MARCHF1: variants seen among roughly 807,000 people sequenced by gnomAD.
MARCHF1 encodes the protein membrane associated ring-CH-type finger 1.
A neutral mutation model predicts 54.2 loss-of-function variants in MARCHF1; 40 were observed. The ratio of observed to expected loss-of-function variants is 0.74; its 90% CI spans 0.57 to 0.96. The LOEUF (loss-of-function observed/expected upper bound fraction) is 0.96. Among genes scored for constraint, MARCHF1 ranks in the 40% least tolerant of loss-of-function variants. MARCHF1 has a pLI of 0.00. For synonymous variants in MARCHF1, 236 were observed against 236.3 expected, an observed-to-expected ratio of 1.00 and a Z score of 0.01; for missense variants, 586 against 656.5, an observed-to-expected ratio of 0.89 and a Z score of 1.17.
chr4:164,130,213 G>A (rs1324993984), intron 1 of MARCHF1: 3 of 152,034 alleles, frequency 2.0e-5, no homozygotes, highest in African/African-American at 7.2e-5. Context: ...ATATACATAA[G>A]CACATGTGGA....
chr4:163,590,290 T>G (rs2110843297), intron 7 of MARCHF1, among the ~76,000 whole-genome samples: 1 of 151,962 alleles, frequency 6.6e-6, no homozygotes, highest in East Asian at 1.9e-4. Flanking sequence ...AGGGCCATAG[T>G]GTTATGCAAC....
At chr4:164,178,020 A>G (rs1351430396) in intron 1 of MARCHF1, among the ~76,000 whole-genome samples, 1 of 152,180 alleles carries the variant, frequency 6.6e-6, no homozygotes, top group Non-Finnish European at 1.5e-5. Flanking sequence ...ATGCTCTTTT[A>G]TTGATCTATA....
At chr4:163,536,206 CACAG>C (rs1738524181) in intron 9 of MARCHF1, among the ~76,000 whole-genome samples, 1 of 152,052 alleles carries the variant, frequency 6.6e-6, no homozygotes, top group Non-Finnish European at 1.5e-5. Context: ...AAGCTTTAAC[CACAG>C]ACAGACTGGA....
intron 4 of MARCHF1, among the ~76,000 whole-genome samples, chr4:163,821,715 A>C (rs970815827): frequency 1.3e-5 from 2 of 151,948 alleles, no homozygotes; most frequent in Non-Finnish European, 2.9e-5. Flanking sequence ...TGTTTTGTAG[A>C]ATAAAAGACC....
At chr4:163,851,654 A>T (rs1437650256) in intron 4 of MARCHF1, among the ~76,000 whole-genome samples, 1 of 152,206 alleles carries the variant, frequency 6.6e-6, no homozygotes, top group East Asian at 1.9e-4. Flanking sequence ...AGTAAAATGG[A>T]CTGTGGCAGA....
At position 163,764,183 on chromosome 4, in the gene MARCHF1, G is replaced by A. The variant is rs937414300; in HGVS notation, c.112-63320C>T. On this transcript the variant is annotated intron_variant, in intron 4 of 9. Coordinates refer to ENST00000514618, the MANE Select transcript of MARCHF1 (RefSeq NM_001394959.1). ...TGTTCCAGCATTTTGGATTCAATGA[G>A]ACTTAGGAAGAAAAAACACCAGGTC... Among the ~76,000 whole-genome samples the A allele has an allele frequency of 5.9e-5, 9 of 151,976 alleles. 1 individual carries two copies. Among genetic ancestry groups the A allele is most frequent in the Admixed American group, 3.3e-4 (5 of 15,238 alleles).
At chr4:164,168,667 C>A (rs1238278464) in intron 1 of MARCHF1, among the ~76,000 whole-genome samples, 3 of 147,792 alleles carry the variant, frequency 2.0e-5, no homozygotes, top group African/African-American at 7.9e-5. Flanking sequence ...GTGGAATACA[C>A]ACACACACAC....
rs149158906 is a variant in MARCHF1 at position 163,771,940 on chromosome 4, T to C, written c.112-71077A>G. ...ACATAAAAATGGTGACTAAAAGGAG[T>C]TGCCCATTTCAATAGGGCTAGTTAT... On this transcript the variant is annotated intron_variant, in intron 4 of 9. Coordinates refer to ENST00000514618, the MANE Select transcript of MARCHF1 (RefSeq NM_001394959.1). 5.7e-3 allele frequency among the ~76,000 whole-genome samples: 869 copies of C among 152,120 alleles called. 8 individuals are homozygous for C. The highest frequency in any genetic ancestry group is 0.02 in the African/African-American group (810 of 41,482).
intron 4 of MARCHF1, among the ~76,000 whole-genome samples, chr4:163,731,081 A>T (rs996767464): frequency 6.6e-6 from 1 of 152,188 alleles, no homozygotes; most frequent in Non-Finnish European, 1.5e-5. Context: ...ACATTTCTTA[A>T]TTCATAACTC....
chr4:163,670,359 G>GATCGATCT (rs368497499), intron 5 of MARCHF1, among the ~76,000 whole-genome samples: 2 of 143,742 alleles, frequency 1.4e-5, no homozygotes, highest in African/African-American at 5.2e-5. Context: ...CCTAGAGTAG[G>GATCGATCT]ATCTATCTAT....
At chr4:163,845,476 C>T (rs1238395117) in intron 4 of MARCHF1, among the ~76,000 whole-genome samples, 4 of 151,152 alleles carry the variant, frequency 2.6e-5, no homozygotes, top group African/African-American at 9.7e-5. Context: ...CACACACACA[C>T]ACACACACAC....
chr4:163,721,328 C>T (rs11891498), intron 4 of MARCHF1, among the ~76,000 whole-genome samples: 2,467 of 152,134 alleles, frequency 0.016, 70 homozygotes, highest in African/African-American at 0.057. Context: ...TGCTGGATTA[C>T]GTTTATTGAT....
At chr4:164,085,895 A>G (rs1187409276) in intron 2 of MARCHF1, among the ~76,000 whole-genome samples, 1 of 151,856 alleles carries the variant, frequency 6.6e-6, no homozygotes, top group Non-Finnish European at 1.5e-5. Context: ...AGAAAGTACA[A>G]TTTGAATTAT....
At chr4:163,655,145 T>C (rs1028984800) in intron 5 of MARCHF1, among the ~76,000 whole-genome samples, 3 of 151,732 alleles carry the variant, frequency 2.0e-5, no homozygotes, top group African/African-American at 7.2e-5. Context: ...GCTTAGCATT[T>C]CAAATACCTT....
intron 3 of MARCHF1, among the ~76,000 whole-genome samples, chr4:163,878,208 C>G (rs1017038287): frequency 6.6e-6 from 1 of 152,188 alleles, no homozygotes; most frequent in African/African-American, 2.4e-5. Context: ...CTCTATAACA[C>G]TAGCTTTTTT....
At chr4:163,729,697 T>C (rs1383771058) in intron 4 of MARCHF1, among the ~76,000 whole-genome samples, 1 of 152,158 alleles carries the variant, frequency 6.6e-6, no homozygotes, top group East Asian at 1.9e-4. Flanking sequence ...AGATATGCAC[T>C]GATGTCCCCT....
At chr4:164,343,624 A>T (rs1561010313) in intron 1 of MARCHF1, among the ~76,000 whole-genome samples, 1 of 152,182 alleles carries the variant, frequency 6.6e-6, no homozygotes, top group Non-Finnish European at 1.5e-5. Flanking sequence ...CATATGAAAA[A>T]TTGCTCAGTA....
intron 3 of MARCHF1, among the ~76,000 whole-genome samples, chr4:163,867,787 A>G (rs555060734): frequency 6.7e-6 from 1 of 150,124 alleles, no homozygotes; most frequent in East Asian, 2.0e-4. Flanking sequence ...CAAAGTGATA[A>G]TAGCTATATC....
chr4:163,778,495 T>C (rs745600980), intron 4 of MARCHF1, among the ~76,000 whole-genome samples: 79 of 152,306 alleles, frequency 5.2e-4, no homozygotes, highest in Non-Finnish European at 9.7e-4. Context: ...TTATTTGTCA[T>C]CTATACATTT....
Sources: gnomAD v4.1 joint callset for allele counts (sites outside exome capture counted in the v4.1 genomes callset) on GRCh38, gnomAD v4.1.1 for gene constraint, MANE v1.5 for transcripts, NCBI Gene and HGNC (gene_info 2026-07-23, HGNC 2026-07-21) for gene names.